The following RARS2 variants were observed in gnomAD, a reference collection of about 807,000 sequenced individuals.
RARS2 encodes probable arginine--tRNA ligase, mitochondrial.
Under a neutral mutation model 88.5 loss-of-function variants are expected in RARS2, and 67 were observed. The observed-to-expected ratio is 0.76, with a 90% confidence interval of 0.62 to 0.93. The LOEUF is 0.93. RARS2 is among the 40% of genes least tolerant of loss of function. The probability of loss-of-function intolerance (pLI) is 0.00; values close to 1 mark genes in which losing one functional copy is unlikely to be tolerated. For synonymous variants in RARS2, 239 were observed against 230.3 expected, an observed-to-expected ratio of 1.04 and a Z score of -0.34; for missense variants, 664 against 684.2, an observed-to-expected ratio of 0.97 and a Z score of 0.33.
At chr6:87,526,870 C>A (rs1318364534) in intron 10 of RARS2, among the ~76,000 whole-genome samples, 1 of 151,752 alleles carries the variant, frequency 6.6e-6, no homozygotes, top group Non-Finnish European at 1.5e-5. Context: ...GGGGTTTCTC[C>A]ATGTTGGTCA....
At position 87,518,819 on chromosome 6, in the gene RARS2, C is replaced by T; in HGVS notation, c.1305+5G>A. 6.2e-7 allele frequency: 1 copy of T among 1,613,948 alleles called. No homozygotes were observed. Among genetic ancestry groups the T allele is most frequent in the Non-Finnish European group, 8.5e-7 (1 of 1,179,808 alleles). ...AGGGCCTCACAGGTAGGAGTCTTAA[C>T]AGACCTGAATAATGAGTGCTGCGAG... On this transcript the variant is annotated splice_donor_5th_base_variant and intron_variant, in intron 15 of 19. Transcript: ENST00000369536.
At chr6:87,578,736 A>G (rs1772395848) in intron 1 of RARS2, among the ~76,000 whole-genome samples, 1 of 152,174 alleles carries the variant, frequency 6.6e-6, no homozygotes, top group Non-Finnish European at 1.5e-5. Context: ...AGGCAGGCAG[A>G]TCACCTGAGG....
At chr6:87,566,747 G>A (rs867388098) in intron 2 of RARS2, among the ~76,000 whole-genome samples, 1 of 150,142 alleles carries the variant, frequency 6.7e-6, no homozygotes, top group Non-Finnish European at 1.5e-5. Flanking sequence ...TTGACAGGCT[G>A]AGATGGGAGG....
chr6:87,566,129 T>C (rs561871866), intron 2 of RARS2, among the ~76,000 whole-genome samples: 6 of 152,020 alleles, frequency 3.9e-5, no homozygotes, highest in Admixed American at 1.3e-4. Flanking sequence ...TTGGGCAACA[T>C]AGCAAGACCC....
chr6:87,563,083 A>G (rs1788359464), intron 3 of RARS2, among the ~76,000 whole-genome samples: 1 of 152,046 alleles, frequency 6.6e-6, no homozygotes. Context: ...CCCATATTCT[A>G]CCTACTCTGA....
chr6:87,572,620 C>A (rs934979636), intron 1 of RARS2, among the ~76,000 whole-genome samples: 1 of 152,026 alleles, frequency 6.6e-6, no homozygotes, highest in Admixed American at 6.6e-5. Context: ...TGGAGTGCAG[C>A]GGCTCACAAT....
chr6:87,569,733 AAAAAGGTATATAGTGTATGATTC>A (rs2128188775), intron 1 of RARS2, 143 bp from the exon 2 acceptor site: 2 of 721,310 alleles, frequency 2.8e-6, no homozygotes, highest in East Asian at 2.7e-5. Context: ...AGCCAGATTC[AAAAAGGTATATAGTGTATGATTC>A]AATTATTTGA....
intron 8 of RARS2, 90 bp downstream of exon 8, chr6:87,541,828 T>A: frequency 1.9e-6 from 2 of 1,037,168 alleles, no homozygotes; most frequent in South Asian, 2.6e-5. Flanking sequence ...TGTCTCAAAA[T>A]AAAGAAAAAT....
At chr6:87,570,050 A>G (rs1252793020) in intron 1 of RARS2, among the ~76,000 whole-genome samples, 2 of 152,044 alleles carry the variant, frequency 1.3e-5, no homozygotes, top group East Asian at 3.8e-4. Flanking sequence ...CAGACAAAAA[A>G]CAAAACAAAA....
At chr6:87,580,980 A>G (rs1048884433) in intron 1 of RARS2, among the ~76,000 whole-genome samples, 4 of 152,262 alleles carry the variant, frequency 2.6e-5, no homozygotes, top group Admixed American at 2.6e-4. Context: ...AATATAATAG[A>G]ATCTTTGGCT....
In RARS2 at chr6:87,559,391, T is replaced by TG. The variant is rs1020788881; in HGVS notation, c.297+3310dup. 4.6e-5 allele frequency among the ~76,000 whole-genome samples: 6 copies of TG among 131,678 alleles called. No individual in the cohort carries two copies. In the Admixed American group the frequency reaches 5.0e-4, roughly 11 times the overall value. The allele number at this position is 131,678 out of a possible 152,430, so 86.4% of individuals were successfully genotyped here. A position where few individuals can be genotyped will look rare whatever the true frequency, so the allele number is the denominator to read the frequency against. On this transcript the variant is annotated intron_variant, in intron 4 of 19. Transcript: ENST00000369536. The stretch of plus-strand genomic sequence containing the variant: ...CTGAGGCAGGAGAATCGCTTGAACC[T>TG]GGGGGGCGGAGGTGGGAGCTGAGGC...
In RARS2 at chr6:87,519,573, C is replaced by A. The variant is rs1416931791; in HGVS notation, c.1237+10G>T. On this transcript the variant is annotated intron_variant, in intron 14 of 19. Transcript: ENST00000369536. ...AAGTTATGACTTTAATAAGAAAAAA[C>A]TGAATTCACTCTTAATTGAAGCCAT... The A allele has an allele frequency of 6.2e-7, 1 of 1,610,014 alleles. No individual in the cohort carries two copies. Among genetic ancestry groups the A allele is most frequent in the East Asian group, 2.2e-5 (1 of 44,824 alleles).
At chr6:87,532,595 G>C (rs1162644384) in intron 8 of RARS2, among the ~76,000 whole-genome samples, 3 of 152,164 alleles carry the variant, frequency 2.0e-5, no homozygotes, top group Non-Finnish European at 2.9e-5. Flanking sequence ...GGGAAAATTT[G>C]GGAGTCTGGA....
chr6:87,561,109 T>A (rs1162052980), intron 4 of RARS2, among the ~76,000 whole-genome samples: 1 of 152,282 alleles, frequency 6.6e-6, no homozygotes, highest in Middle Eastern at 3.4e-3. Context: ...ACAGTTAAAA[T>A]TATAAAACTA....
At chr6:87,524,726 T>A in intron 10 of RARS2, 74 bp from the exon 11 acceptor site, 1 of 1,090,430 alleles carries the variant, frequency 9.2e-7, no homozygotes, top group Non-Finnish European at 1.4e-6. Flanking sequence ...TCTAAAACAT[T>A]AGCAAACCAG....
chr6:87,539,852 A>T (rs1387902633), intron 8 of RARS2, among the ~76,000 whole-genome samples: 1 of 152,226 alleles, frequency 6.6e-6, no homozygotes, highest in Non-Finnish European at 1.5e-5. Context: ...CTATTTCTAA[A>T]TAAACATTTT....
intron 5 of RARS2, 146 bp from the exon 6 acceptor site, chr6:87,548,792 G>T: frequency 2.7e-6 from 2 of 732,566 alleles, no homozygotes; most frequent in East Asian, 2.8e-5. Flanking sequence ...AAAATTTAGA[G>T]CAAAGATAAA....
At chr6:87,575,352 G>A (rs554019777) in intron 1 of RARS2, among the ~76,000 whole-genome samples, 1 of 152,048 alleles carries the variant, frequency 6.6e-6, no homozygotes, top group East Asian at 1.9e-4. Flanking sequence ...TGGTTCCTGA[G>A]GGCAGAAGTG....
intron 1 of RARS2, among the ~76,000 whole-genome samples, chr6:87,575,020 C>G (rs1260884448): frequency 2.0e-5 from 3 of 151,888 alleles, no homozygotes; most frequent in Non-Finnish European, 4.4e-5. Flanking sequence ...AACAAACATG[C>G]AGACAGGAAG....
Sources: gnomAD v4.1 joint callset for allele counts (sites outside exome capture counted in the v4.1 genomes callset) on GRCh38, gnomAD v4.1.1 for gene constraint, MANE v1.5 for transcripts, NCBI Gene and HGNC (gene_info 2026-07-23, HGNC 2026-07-21) for gene names.